SGCE: variants seen among roughly 807,000 people sequenced by gnomAD.
SGCE encodes epsilon-sarcoglycan.
Under a neutral mutation model 57.8 loss-of-function variants are expected in SGCE, and 26 were observed. The ratio of observed to expected loss-of-function variants is 0.45; its 90% CI spans 0.33 to 0.62. SGCE has a LOEUF of 0.62. Among genes scored for constraint, SGCE ranks in the 20% least tolerant of loss-of-function variants. The pLI is 0.02. For missense variants in SGCE, 468 were observed against 548.6 expected, an observed-to-expected ratio of 0.85 and a Z score of 1.47; for synonymous variants, 183 against 189.5, an observed-to-expected ratio of 0.97 and a Z score of 0.28.
chr7:94,614,117 A>AC (rs1214542051), intron 5 of SGCE, among the ~76,000 whole-genome samples: 4 of 151,082 alleles, frequency 2.6e-5, no homozygotes, highest in East Asian at 1.9e-4. Flanking sequence ...CAAAAAAAAA[A>AC]AAAAAAAAAA....
At chr7:94,646,651 G>T (rs1170856347) in intron 1 of SGCE, among the ~76,000 whole-genome samples, 1 of 150,754 alleles carries the variant, frequency 6.6e-6, no homozygotes, top group Non-Finnish European at 1.5e-5. Flanking sequence ...TAGTGTAATA[G>T]TGCAATCTAG....
At chr7:94,632,852 G>A (rs571312864) in intron 1 of SGCE, among the ~76,000 whole-genome samples, 100 of 152,048 alleles carry the variant, frequency 6.6e-4, no homozygotes, top group African/African-American at 2.1e-3. Flanking sequence ...TGTTCTAAAC[G>A]TGAGCTATAT....
Position 94,633,912 on chromosome 7 carries a change from G to A in SGCE, c.110-4071C>T, listed in dbSNP as rs1805130905. 2.0e-5 allele frequency among the ~76,000 whole-genome samples: 3 copies of A among 152,140 alleles called. No individual in the cohort carries two copies. In the South Asian group the frequency reaches 6.2e-4, roughly 32 times the overall value. On this transcript the variant is annotated intron_variant, in intron 1 of 10. Coordinates refer to ENST00000648936, the MANE Select transcript of SGCE (RefSeq NM_003919.3). ...CACACAGCCCCTTCACTACAAAAAT[G>A]TCCAGAGAACACTTGCCAGTTCTTT...
chr7:94,641,393 A>G (rs1806357679), intron 1 of SGCE, among the ~76,000 whole-genome samples: 1 of 152,234 alleles, frequency 6.6e-6, no homozygotes, highest in Non-Finnish European at 1.5e-5. Context: ...GATAGACTGA[A>G]GAGTAGCAAG....
chr7:94,594,863 C>T (rs1028893082), intron 9 of SGCE, among the ~76,000 whole-genome samples: 1 of 152,098 alleles, frequency 6.6e-6, no homozygotes, highest in Non-Finnish European at 1.5e-5. Flanking sequence ...TATATTGTCT[C>T]TGTAATTTGA....
At chr7:94,651,330 G>T (rs1165098240) in intron 1 of SGCE, among the ~76,000 whole-genome samples, 1 of 152,118 alleles carries the variant, frequency 6.6e-6, no homozygotes. Flanking sequence ...TTTAAAGCAA[G>T]CCTCTTAGAT....
chr7:94,624,129 A>G (rs1383062082), intron 3 of SGCE: 1 of 395,666 alleles, frequency 2.5e-6, no homozygotes, highest in African/African-American at 2.1e-5. Context: ...TTTATAACAG[A>G]TATTAAATCA....
At chr7:94,624,284 C>T in intron 3 of SGCE, 1 of 397,228 alleles carries the variant, frequency 2.5e-6, no homozygotes, top group Non-Finnish European at 4.4e-6. Flanking sequence ...CTGACTTCAA[C>T]TAAAAATAAA....
At chr7:94,652,022 C>T (rs1299175611) in intron 1 of SGCE, among the ~76,000 whole-genome samples, 2 of 151,744 alleles carry the variant, frequency 1.3e-5, no homozygotes, top group Non-Finnish European at 2.9e-5. Context: ...AACTGGATTC[C>T]GAAGTTTAGA....
At chr7:94,624,286 A>T (rs1305035213) in intron 3 of SGCE, 6 of 398,060 alleles carry the variant, frequency 1.5e-5, no homozygotes, top group African/African-American at 1.2e-4. Context: ...GACTTCAACT[A>T]AAAATAAATA....
chr7:94,586,061 G>GAAAAAA (rs780812386), intron 10 of SGCE, among the ~76,000 whole-genome samples: 45 of 28,906 alleles, frequency 1.6e-3, no homozygotes, highest in Admixed American at 2.1e-3. Flanking sequence ...GGAACTAAAT[G>GAAAAAA]AAAAAAAAAA....
intron 2 of SGCE, 127 bp downstream of exon 2, chr7:94,629,592 C>T: frequency 1.2e-6 from 1 of 853,316 alleles, no homozygotes; most frequent in Non-Finnish European, 1.9e-6. Flanking sequence ...TATCCTACAA[C>T]AATTTATCAC....
intron 9 of SGCE, chr7:94,598,235 T>C: frequency 6.0e-6 from 1 of 165,784 alleles, no homozygotes; most frequent in Admixed American, 5.9e-5. Flanking sequence ...TTTCTAACCC[T>C]GATCCCTATA....
At chr7:94,618,986 C>G (rs1180259772) in intron 4 of SGCE, 30 bp from the exon 5 acceptor site, 1 of 1,441,680 alleles carries the variant, frequency 6.9e-7, no homozygotes, top group Admixed American at 1.7e-5. Flanking sequence ...GCATGCATAT[C>G]TTTAATGAAG....
At chr7:94,610,323 C>T (rs1267070274) in intron 5 of SGCE, among the ~76,000 whole-genome samples, 8 of 152,000 alleles carry the variant, frequency 5.3e-5, no homozygotes, top group Non-Finnish European at 1.2e-4. Flanking sequence ...GAATATAAAC[C>T]GCCAAGAGTA....
At chr7:94,598,445 T>C (rs1279747581) in intron 9 of SGCE, 4 of 271,926 alleles carry the variant, frequency 1.5e-5, no homozygotes, top group African/African-American at 9.1e-5. Context: ...AAATAATCAA[T>C]TTGAAATGCT....
At position 94,598,889 on chromosome 7, in the gene SGCE, A is replaced by C. The variant is rs765193255; in HGVS notation, c.1139T>G (p.Ile380Arg). ...ELRDMSKNRE[I>R]AWPLSTLPVF... ...AGGAAGCGTTGACAGGGGCCATGCT[A>C]TCTCTCTATTCTTGGACATGTCTCG... The change falls in exon 9 of 11, where the codon ATA becomes AGA. Residue 380 changes from isoleucine to arginine, a missense_variant. Coordinates refer to ENST00000648936, the MANE Select transcript of SGCE (RefSeq NM_003919.3). 1.3e-5 allele frequency: 21 copies of C among 1,613,042 alleles called. No homozygotes were observed. The East Asian group carries it at 3.3e-4, about 26-fold the overall frequency.
At chr7:94,609,915 T>C (rs547915951) in intron 5 of SGCE, among the ~76,000 whole-genome samples, 2 of 152,306 alleles carry the variant, frequency 1.3e-5, no homozygotes, top group South Asian at 2.1e-4. Flanking sequence ...TGGATATCTA[T>C]AGCAGCTTTG....
At chr7:94,652,721 C>A (rs115941717) in intron 1 of SGCE, among the ~76,000 whole-genome samples, 1 of 152,188 alleles carries the variant, frequency 6.6e-6, no homozygotes, top group African/African-American at 2.4e-5. Flanking sequence ...AGATTTATGG[C>A]AAACTGTTGT....
Sources: gnomAD v4.1 joint callset for allele counts (sites outside exome capture counted in the v4.1 genomes callset) on GRCh38, gnomAD v4.1.1 for gene constraint, MANE v1.5 for transcripts, NCBI Gene and HGNC (gene_info 2026-07-23, HGNC 2026-07-21) for gene names.